Variants in TP63 observed in about 807,000 individuals in gnomAD.
TP63 encodes the protein tumor protein p63, also known as tumor protein 63.
In TP63, 17 loss-of-function variants were observed where a neutral mutation model predicts 82.8. The observed-to-expected ratio is 0.21, with a 90% CI of 0.14 to 0.31. The LOEUF (loss-of-function observed/expected upper bound fraction) is 0.31. TP63 is among the 10% of genes least tolerant of loss of function. TP63 has a pLI of 1.00. For synonymous variants in TP63, 330 were observed against 321.7 expected (o/e 1.03, Z -0.28); for missense variants, 648 against 895.3 (o/e 0.72, Z 3.52).
At chr3:189,791,142 T>C (rs1183060242) in intron 3 of TP63, among the ~76,000 whole-genome samples, 1 of 152,156 alleles carries the variant, frequency 6.6e-6, no homozygotes, top group South Asian at 2.1e-4. Context: ...CTTGATTCTA[T>C]TGGATCCAAT....
At chr3:189,832,496 C>G (rs1380263012) in intron 4 of TP63, among the ~76,000 whole-genome samples, 1 of 152,146 alleles carries the variant, frequency 6.6e-6, no homozygotes, top group Non-Finnish European at 1.5e-5. Flanking sequence ...ACATAGCAAG[C>G]AAGGGTAAAA....
At chr3:189,797,333 A>G (rs1342932661) in intron 3 of TP63, among the ~76,000 whole-genome samples, 1 of 152,062 alleles carries the variant, frequency 6.6e-6, no homozygotes, top group Non-Finnish European at 1.5e-5. Flanking sequence ...TAATACCCCT[A>G]TGAGAATTAC....
chr3:189,739,825 C>A (rs112651018), intron 3 of TP63, among the ~76,000 whole-genome samples: 10 of 147,794 alleles, frequency 6.8e-5, no homozygotes, highest in African/African-American at 2.5e-4. Context: ...CGGCACAAGT[C>A]CTGCTATCTT....
At chr3:189,841,301 T>C (rs1319051684) in intron 4 of TP63, among the ~76,000 whole-genome samples, 2 of 152,192 alleles carry the variant, frequency 1.3e-5, no homozygotes, top group Non-Finnish European at 2.9e-5. Context: ...ACAGGTGACT[T>C]TCTTATAGAG....
intron 1 of TP63, among the ~76,000 whole-genome samples, chr3:189,650,874 GGA>G (rs1712829591): frequency 6.8e-6 from 1 of 146,916 alleles, no homozygotes; most frequent in Non-Finnish European, 1.5e-5. Flanking sequence ...CAGGAAAATG[GGA>G]GAAAGTTTGG....
At position 189,832,261 on chromosome 3, in the gene TP63, C is replaced by T. The variant is rs563228519; in HGVS notation, c.579+23735C>T. 9.2e-5 allele frequency among the ~76,000 whole-genome samples: 14 copies of T among 152,112 alleles called. 1 individual carries two copies. The highest frequency in any genetic ancestry group is 2.1e-4 in the South Asian group (1 of 4,822). ...AAAGTTACCTGAGACTTCTCTGCATCGGGCTTGTTGGGGTATACTGTTCTT... is the reference window on the plus strand; with the variant it reads ...AAAGTTACCTGAGACTTCTCTGCATTGGGCTTGTTGGGGTATACTGTTCTT... On this transcript the variant is annotated intron_variant, in intron 4 of 13. Transcript: ENST00000264731.
chr3:189,717,274 C>G (rs938802447), intron 1 of TP63, among the ~76,000 whole-genome samples: 1 of 152,202 alleles, frequency 6.6e-6, no homozygotes, highest in Non-Finnish European at 1.5e-5. Flanking sequence ...TATTTAATAA[C>G]CTTTCCAACA....
At chr3:189,719,812 T>C (rs1719246751) in intron 1 of TP63, among the ~76,000 whole-genome samples, 1 of 152,220 alleles carries the variant, frequency 6.6e-6, no homozygotes, top group Admixed American at 6.6e-5. Context: ...TGCTCCTCTT[T>C]TTCTCTATGA....
At chr3:189,892,662 C>G (rs1425995688) in intron 13 of TP63, among the ~76,000 whole-genome samples, 1 of 152,022 alleles carries the variant, frequency 6.6e-6, no homozygotes, top group Non-Finnish European at 1.5e-5. Flanking sequence ...TGTGGTGGTG[C>G]ACCTCTGTAG....
chr3:189,874,095 A>G (rs1718748910), intron 10 of TP63, among the ~76,000 whole-genome samples: 1 of 152,132 alleles, frequency 6.6e-6, no homozygotes. Flanking sequence ...ATTATTATTG[A>G]GTCTCGCTCT....
At chr3:189,636,952 C>T (rs11720249) in intron 1 of TP63, among the ~76,000 whole-genome samples, 44,950 of 152,046 alleles carry the variant, frequency 0.3, 7,548 homozygotes, top group Middle Eastern at 0.49. Flanking sequence ...TTTTATTTTA[C>T]AATAATGTAT....
chr3:189,819,102 G>A (rs574602447), intron 4 of TP63, among the ~76,000 whole-genome samples: 174 of 152,258 alleles, frequency 1.1e-3, no homozygotes, highest in African/African-American at 3.1e-3. Flanking sequence ...TTCATAGTAG[G>A]AATTTGGAAT....
chr3:189,810,833 T>A (rs1192504527), intron 4 of TP63, among the ~76,000 whole-genome samples: 1 of 136,662 alleles, frequency 7.3e-6, no homozygotes, highest in African/African-American at 2.7e-5. Flanking sequence ...GTGATCTGCC[T>A]GCACAATAGA....
At chr3:189,843,515 G>A (rs952264611) in intron 4 of TP63, among the ~76,000 whole-genome samples, 12 of 152,188 alleles carry the variant, frequency 7.9e-5, no homozygotes, top group Admixed American at 3.9e-4. Context: ...AGCACAATTC[G>A]TACATGTCTG....
At chr3:189,603,386 C>T in the TP63 span, among the ~76,000 whole-genome samples, 1 of 151,944 alleles carries the variant, frequency 6.6e-6, no homozygotes, top group Non-Finnish European at 1.5e-5. Flanking sequence ...TTCTTCTTCT[C>T]CTTATCCTTC....
At chr3:189,768,901 C>T (rs1383436439) in intron 3 of TP63, among the ~76,000 whole-genome samples, 2 of 152,086 alleles carry the variant, frequency 1.3e-5, no homozygotes, top group Admixed American at 6.6e-5. Context: ...GGTATGTTCA[C>T]GAAGATGACC....
intron 1 of TP63, among the ~76,000 whole-genome samples, chr3:189,735,286 C>T (rs960556721): frequency 2.0e-4 from 31 of 152,168 alleles, no homozygotes; most frequent in African/African-American, 7.5e-4. Context: ...CTCACAGATT[C>T]ATTTTTCCCC....
intron 1 of TP63, among the ~76,000 whole-genome samples, chr3:189,669,581 A>G (rs1714716225): frequency 6.6e-6 from 1 of 152,016 alleles, no homozygotes; most frequent in Non-Finnish European, 1.5e-5. Flanking sequence ...TGTAAGTAAA[A>G]CCTGTGACAA....
chr3:189,843,600 T>C (rs1216116378), intron 4 of TP63, among the ~76,000 whole-genome samples: 1 of 152,200 alleles, frequency 6.6e-6, no homozygotes, highest in African/African-American at 2.4e-5. Context: ...GGGGCCAATG[T>C]TGGGATCTGC....
Sources: gnomAD v4.1 joint callset for allele counts (sites outside exome capture counted in the v4.1 genomes callset) on GRCh38, gnomAD v4.1.1 for gene constraint, MANE v1.5 for transcripts, NCBI Gene and HGNC (gene_info 2026-07-23, HGNC 2026-07-21) for gene names.